PLXND1: variants seen among roughly 807,000 people sequenced by gnomAD.
The protein encoded by PLXND1 is plexin D1.
PLXND1 carries 54 observed loss-of-function variants against 197.7 expected under a neutral mutation model. The observed-to-expected ratio is 0.27, with a 90% CI of 0.22 to 0.34. The LOEUF (loss-of-function observed/expected upper bound fraction) is 0.34. Ranked by LOEUF, PLXND1 falls within the 10% of genes least tolerant of loss-of-function variation. The pLI is 1.00. For synonymous variants in PLXND1, 1,180 were observed against 1,161.2 expected (o/e 1.02, Z -0.33); for missense variants, 2,127 against 2,699.2 (o/e 0.79, Z 4.70).
chr3:129,570,708 T>C (rs1245724681), intron 19 of PLXND1, 78 bp downstream of exon 19: 22 of 1,411,402 alleles, frequency 1.6e-5, no homozygotes, highest in Non-Finnish European at 2.1e-5. Flanking sequence ...ATTCAGGTGC[T>C]GGGTGAGGGG....
In PLXND1 at chr3:129,585,991, G is replaced by T; in HGVS notation, c.1812C>A (p.Thr604=). 6.2e-7 allele frequency: 1 copy of T among 1,614,038 alleles called. No homozygotes were observed. The highest frequency in any genetic ancestry group is 1.7e-5 in the Admixed American group (1 of 60,034). The change falls in exon 5 of 36, where the codon ACC becomes ACA. Residue 604 remains threonine (T), a synonymous_variant. Transcript: ENST00000324093. ...SEGPSRCPAM[T]VLPSEIDVRQ... ...GCACATCGATCTCGGAAGGCAGGAC[G>T]GTCATGGCAGGACAGCGGCTGGGGC... is the stretch of plus-strand genomic sequence containing the variant.
rs765110438 is a variant in PLXND1 at position 129,572,637 on chromosome 3, T to C, written c.3049A>G (p.Asn1017Asp). Residue 1017 changes from asparagine (N) to aspartate (D), a missense_variant, in exon 15 of 36, where the codon AAC becomes GAC. Asn to Asp is a conservative substitution (Grantham distance 23, BLOSUM62 1). This residue lies in a region of PLXND1 where 1,095 missense variants were observed against 1,259.8 expected (regional missense o/e 0.87). Transcript: ENST00000324093. ...HVGSELQVLV[N>D]DTDPCTELMR... is the part of the protein sequence containing the mutation. ...AGCTCCGTGCAGGGGTCTGTGTCGT[T>C]CACCAGGACCTGGAGCTCGGAGCCT... The C allele has an allele frequency of 1.3e-6, 2 of 1,592,518 alleles. No homozygotes were observed. The highest frequency in any genetic ancestry group is 1.7e-6 in the Non-Finnish European group (2 of 1,169,390).
At chr3:129,594,179 G>A (rs996686763) in intron 1 of PLXND1, among the ~76,000 whole-genome samples, 1 of 152,240 alleles carries the variant, frequency 6.6e-6, no homozygotes, top group Non-Finnish European at 1.5e-5. Context: ...CACACCGGCT[G>A]CGGAGGCTTT....
rs774074924 is a variant in PLXND1 at position 129,572,791 on chromosome 3, G to A, written c.2938-43C>T. 17 of 1,611,248 alleles carry A rather than the reference G, an allele frequency of 1.1e-5. 1 individual carries two copies. The highest frequency in any genetic ancestry group is 8.4e-5 in the Admixed American group (5 of 59,808). On this transcript the variant is annotated intron_variant, in intron 14 of 35. Transcript: ENST00000324093. ...GCGTTTGGGCCTCGGGCCAGCCCCC[G>A]GGAGTGTGCGTGCTGGGCGGGCCGG...
chr3:129,569,109 A>G (rs899759558), intron 20 of PLXND1: 4 of 152,254 alleles, frequency 2.6e-5, no homozygotes, highest in African/African-American at 9.6e-5. Context: ...GTGCCTGCCC[A>G]TGGTGGCATG....
intron 11 of PLXND1, 80 bp from the exon 12 acceptor site, chr3:129,574,570 A>C (rs939435337): frequency 3.9e-5 from 54 of 1,390,754 alleles, no homozygotes; most frequent in Non-Finnish European, 5.3e-5. Context: ...ACACACAACA[A>C]CTGTCAAGAG....
chr3:129,562,378 T>C (rs182615970), intron 27 of PLXND1: 9 of 234,338 alleles, frequency 3.8e-5, no homozygotes, highest in African/African-American at 1.1e-4. Flanking sequence ...GATGTGGTGG[T>C]GCACTCCTGT....
chr3:129,561,538 C>T (rs544921160), intron 29 of PLXND1, 108 bp downstream of exon 29: 2 of 837,454 alleles, frequency 2.4e-6, no homozygotes, highest in East Asian at 2.7e-5. Context: ...GAGGCCTCAG[C>T]CCAGGCCAGC....
intron 22 of PLXND1, among the ~76,000 whole-genome samples, chr3:129,567,220 G>C (rs764663919): frequency 2.6e-5 from 4 of 152,166 alleles, no homozygotes; most frequent in Non-Finnish European, 4.4e-5. Flanking sequence ...ACCTTGAAAA[G>C]GGGAGAGGCA....
Position 129,567,803 on chromosome 3 carries a change from G to T in PLXND1, c.3868C>A (p.Leu1290Met). 6.3e-7 allele frequency: 1 copy of T among 1,599,506 alleles called. No individual in the cohort carries two copies. Reference sequence around the variant, plus strand: ...CGGCTCTTGGTACAGAAGACGAACAGGGCTGCGGGCAGTGGAGAGGCAGGT... The same window carrying T: ...CGGCTCTTGGTACAGAAGACGAACATGGCTGCGGGCAGTGGAGAGGCAGGT... ...SVLLLLSVVALFVFCTKSRRA... is the reference protein window; with the variant it reads ...SVLLLLSVVAMFVFCTKSRRA... Residue 1290 changes from leucine (L) to methionine (M), a missense_variant and splice_region_variant, in exon 21 of 36, where the codon CTG becomes ATG. Transcript: ENST00000324093.
chr3:129,571,254 G>A lies in PLXND1; in HGVS notation c.3386C>T (p.Ala1129Val), dbSNP rs1393243018. ...CACTGGCGCTGATGCGTTGCTCAGG[G>A]CCCCGGGGGACGGGCAGGTGATGAG... ...STLITCPSPGALSNASAPVDF... is the reference protein window; with the variant it reads ...STLITCPSPGVLSNASAPVDF... The change falls in exon 18 of 36, where the codon GCC becomes GTC. Residue 1129 changes from alanine (A) to valine (V), a missense_variant. By Grantham distance (64) the Ala-to-Val change is moderately conservative. Around this residue, in one of 6 missense-constraint regions of PLXND1, gnomAD observed 532 missense variants for 811.0 expected, o/e 0.66. Transcript: ENST00000324093. The A allele has an allele frequency of 1.2e-6, 2 of 1,613,940 alleles. No individual in the cohort carries two copies. Among genetic ancestry groups the A allele is most frequent in the Non-Finnish European group, 1.7e-6 (2 of 1,179,898 alleles).
At chr3:129,565,822 C>G in intron 24 of PLXND1, 65 bp downstream of exon 24, 1 of 1,562,826 alleles carries the variant, frequency 6.4e-7, no homozygotes, top group South Asian at 1.1e-5. Flanking sequence ...GACCCAGGAC[C>G]TGATGCTGTG....
At position 129,559,697 on chromosome 3, in the gene PLXND1, A is replaced by G; in HGVS notation, c.5220T>C (p.Phe1740=). Residue 1740 remains phenylalanine (F), a synonymous_variant, in exon 32 of 36, where the codon TTT becomes TTC. Coordinates refer to ENST00000324093, the MANE Select transcript of PLXND1 (RefSeq NM_015103.3). ...EDKPPLAVKY[F]FDFLEEQAEK... ...CAGCCTGCTCCTCCAGGAAGTCGAA[A>G]AAGTACTTGACAGCCAGTGGGGGCT... is the stretch of plus-strand genomic sequence containing the variant. 6.8e-6 allele frequency: 11 copies of G among 1,613,438 alleles called. No homozygotes were observed. The highest frequency in any genetic ancestry group is 9.3e-6 in the Non-Finnish European group (11 of 1,179,718).
rs2084971383 is a variant in PLXND1, at chr3:129,556,252, G to A, written c.*60C>T. On this transcript the variant is annotated 3_prime_UTR_variant, in exon 36 of 36. Transcript: ENST00000324093. ...TCACAGGCACGGGGTAGAAGATCAAGTTGAGGCCCAGTGGGCGTCCATTTC... is the reference window on the plus strand; with the variant it reads ...TCACAGGCACGGGGTAGAAGATCAAATTGAGGCCCAGTGGGCGTCCATTTC... 1 of 1,121,142 alleles carries A rather than the reference G, an allele frequency of 8.9e-7. No homozygotes were observed. 69.4% of individuals were successfully genotyped at this position (1,121,142 alleles called of 1,614,324 possible). A position where few individuals can be genotyped will look rare whatever the true frequency, so the allele number is the denominator to read the frequency against.
intron 20 of PLXND1, 94 bp from the exon 21 acceptor site, chr3:129,567,899 T>G: frequency 4.3e-6 from 2 of 468,414 alleles, no homozygotes; most frequent in Non-Finnish European, 3.8e-6. Context: ...CCAGCTCCTC[T>G]GGGCAGGGTG....
At chr3:129,568,949 T>C (rs2085181845) in intron 20 of PLXND1, among the ~76,000 whole-genome samples, 1 of 152,222 alleles carries the variant, frequency 6.6e-6, no homozygotes, top group South Asian at 2.1e-4. Flanking sequence ...CATGCAGCAG[T>C]CACTCCCCAT....
intron 20 of PLXND1, 26 bp from the exon 21 acceptor site, chr3:129,567,831 G>GACCT: frequency 2.9e-6 from 4 of 1,391,212 alleles, no homozygotes; most frequent in Non-Finnish European, 4.1e-6. Context: ...AGGCAGGTCA[G>GACCT]GCCTCTGGTG....
At chr3:129,560,487 C>T (rs2085041641) in intron 30 of PLXND1, 53 bp from the exon 31 acceptor site, 5 of 1,288,360 alleles carry the variant, frequency 3.9e-6, no homozygotes, top group Non-Finnish European at 5.6e-6. Context: ...CCTCGGCCGC[C>T]TGTGGGAGGT....
At chr3:129,589,313 C>CCCCCCCCCCCCCCCCCCCCCA in intron 2 of PLXND1, 38 bp downstream of exon 2, 3 of 592,304 alleles carry the variant, frequency 5.1e-6, no homozygotes, top group Middle Eastern at 5.1e-4. Context: ...GGGAGCCTCC[C>CCCCCCCCCCCCCCCCCCCCCA]ACCCCCACCC....
Sources: allele counts gnomAD v4.1 joint callset (sites outside exome capture counted in the v4.1 genomes callset), GRCh38; gene constraint gnomAD v4.1.1; regional missense constraint gnomAD v4.1.1; transcripts MANE v1.5; gene names NCBI Gene and HGNC (gene_info 2026-07-23, HGNC 2026-07-21).